The following CNGB3 variants were observed in gnomAD, a reference collection of about 807,000 sequenced individuals.
The protein encoded by CNGB3 is cyclic nucleotide gated channel subunit beta 3.
A neutral mutation model predicts 92.8 loss-of-function variants in CNGB3; 86 were observed. That is an observed-to-expected ratio of 0.93 (90% CI 0.78 to 1.11). CNGB3 has a LOEUF of 1.11. Among genes scored for constraint, CNGB3 ranks in the 50% least tolerant of loss-of-function variants. The pLI is 0.00. For synonymous variants in CNGB3, 333 were observed against 332.7 expected, an observed-to-expected ratio of 1.00 and a Z score of -0.01; for missense variants, 1,026 against 956.8, an observed-to-expected ratio of 1.07 and a Z score of -0.95.
intron 3 of CNGB3, among the ~76,000 whole-genome samples, chr8:86,724,914 G>A (rs1326712777): frequency 1.3e-5 from 2 of 152,044 alleles, no homozygotes; most frequent in Admixed American, 6.6e-5. Context: ...TGTTGGGAGA[G>A]GACAAAGTAA....
intron 3 of CNGB3, among the ~76,000 whole-genome samples, chr8:86,703,000 A>T (rs918875824): frequency 1.3e-5 from 2 of 151,982 alleles, no homozygotes; most frequent in African/African-American, 4.8e-5. Flanking sequence ...TTTACTTTTA[A>T]CTTCATCCAT....
chr8:86,584,163 T>C (rs1355277024), intron 15 of CNGB3, among the ~76,000 whole-genome samples: 2 of 152,190 alleles, frequency 1.3e-5, no homozygotes, highest in African/African-American at 4.8e-5. Flanking sequence ...CTGTCCTCTG[T>C]TGTCACAACC....
chr8:86,726,792 G>T, intron 2 of CNGB3, 135 bp from the exon 3 acceptor site: 1 of 972,262 alleles, frequency 1.0e-6, no homozygotes, highest in Non-Finnish European at 1.6e-6. Flanking sequence ...TGGGACTTCT[G>T]CTAAACAAAG....
intron 3 of CNGB3, among the ~76,000 whole-genome samples, chr8:86,676,378 G>C (rs779982990): frequency 9.9e-5 from 15 of 152,062 alleles, no homozygotes; most frequent in Non-Finnish European, 1.6e-4. Context: ...CTTTAGAAAA[G>C]GGGTGTTCAT....
intron 2 of CNGB3, among the ~76,000 whole-genome samples, chr8:86,728,956 G>GGTGACTCTGT (rs1167962087): frequency 6.6e-6 from 1 of 152,188 alleles, no homozygotes; most frequent in African/African-American, 2.4e-5. Flanking sequence ...TGTCACCCAG[G>GGTGACTCTGT]CTGGAGTGCG....
chr8:86,603,951 A>G, intron 15 of CNGB3, 142 bp downstream of exon 15: 1 of 657,908 alleles, frequency 1.5e-6, no homozygotes, highest in East Asian at 2.8e-5. Context: ...GATGAATAAA[A>G]ATATGAAAAT....
intron 3 of CNGB3, among the ~76,000 whole-genome samples, chr8:86,690,592 G>T (rs1291932678): frequency 2.6e-5 from 4 of 152,146 alleles, no homozygotes; most frequent in Non-Finnish European, 5.9e-5. Flanking sequence ...TTTGGCTTTT[G>T]TTGCCATTGC....
At chr8:86,673,668 T>A (rs1414568270) in intron 3 of CNGB3, among the ~76,000 whole-genome samples, 1 of 152,196 alleles carries the variant, frequency 6.6e-6, no homozygotes, top group African/African-American at 2.4e-5. Flanking sequence ...AGCTTTTGGA[T>A]AATTCAAAGA....
intron 15 of CNGB3, among the ~76,000 whole-genome samples, chr8:86,583,688 G>C (rs1821836048): frequency 6.6e-6 from 1 of 152,030 alleles, no homozygotes; most frequent in Admixed American, 6.6e-5. Context: ...GGGAGGTTGA[G>C]GCAGGCAGAT....
intron 1 of CNGB3, among the ~76,000 whole-genome samples, chr8:86,742,534 G>C (rs1036061911): frequency 6.6e-6 from 1 of 152,100 alleles, no homozygotes; most frequent in Non-Finnish European, 1.5e-5. Context: ...ATTGGACTAT[G>C]CTCCCCTAGT....
At chr8:86,619,356 C>T (rs959855734) in intron 13 of CNGB3, among the ~76,000 whole-genome samples, 1 of 152,100 alleles carries the variant, frequency 6.6e-6, no homozygotes, top group African/African-American at 2.4e-5. Context: ...AGAAATGAAT[C>T]GCTGCTTATT....
At chr8:86,675,509 G>A (rs1823949123) in intron 3 of CNGB3, among the ~76,000 whole-genome samples, 1 of 152,096 alleles carries the variant, frequency 6.6e-6, no homozygotes, top group Non-Finnish European at 1.5e-5. Context: ...ATAAACTCCT[G>A]AGCTCAAGCA....
chr8:86,670,754 A>G (rs1175183065), intron 4 of CNGB3, among the ~76,000 whole-genome samples, 190 bp downstream of exon 4: 1 of 151,804 alleles, frequency 6.6e-6, no homozygotes, highest in Non-Finnish European at 1.5e-5. Flanking sequence ...CCTCTTATTA[A>G]CCCATCTGTA....
Position 86,699,125 on chromosome 8 carries a change from A to T in CNGB3, c.338+27406T>A, listed in dbSNP as rs534536642. On this transcript the variant is annotated intron_variant, in intron 3 of 17. Coordinates refer to ENST00000320005, the MANE Select transcript of CNGB3 (RefSeq NM_019098.5). ...AGAGTACACCTTTATATTTTGAAGG[A>T]TAGTAAAGTTACGCCCACAACTGGA... 3.3e-3 allele frequency among the ~76,000 whole-genome samples: 501 copies of T among 152,294 alleles called. 3 individuals carry two copies. Among genetic ancestry groups the T allele is most frequent in the Non-Finnish European group, 6.1e-3 (417 of 68,026 alleles).
intron 3 of CNGB3, among the ~76,000 whole-genome samples, chr8:86,683,518 T>A (rs1175072746): frequency 1.3e-5 from 2 of 152,200 alleles, no homozygotes; most frequent in Non-Finnish European, 2.9e-5. Context: ...GTACTGGTAG[T>A]CTGACTGTAC....
Position 86,584,132 on chromosome 8 carries a change from T to C in CNGB3, c.1782-4880A>G, listed in dbSNP as rs529346798. Reference sequence around the variant, plus strand: ...AAATAAATTTTACCCCATCTATCTATGTATCTACGTATCATTCTGTCTGTC... The same window carrying C: ...AAATAAATTTTACCCCATCTATCTACGTATCTACGTATCATTCTGTCTGTC... On this transcript the variant is annotated intron_variant, in intron 15 of 17. Coordinates refer to ENST00000320005, the MANE Select transcript of CNGB3 (RefSeq NM_019098.5). Among the ~76,000 whole-genome samples, 6 of 152,324 alleles carry C rather than the reference T, an allele frequency of 3.9e-5. No individual in the cohort carries two copies. The South Asian group carries it at 8.3e-4, about 21-fold the overall frequency.
At chr8:86,620,406 T>A (rs1822701428) in intron 13 of CNGB3, among the ~76,000 whole-genome samples, 1 of 152,152 alleles carries the variant, frequency 6.6e-6, no homozygotes, top group South Asian at 2.1e-4. Context: ...ACCTTCTCAC[T>A]GTGTCGTTAC....
chr8:86,679,216 A>T (rs896629779), intron 3 of CNGB3, among the ~76,000 whole-genome samples: 20 of 152,104 alleles, frequency 1.3e-4, no homozygotes, highest in African/African-American at 4.6e-4. Flanking sequence ...AAGATTTTTT[A>T]GTTAACATTC....
intron 15 of CNGB3, among the ~76,000 whole-genome samples, chr8:86,587,749 T>C (rs1821929826): frequency 6.7e-6 from 1 of 149,672 alleles, no homozygotes; most frequent in African/African-American, 2.4e-5. Flanking sequence ...AGCCTTGTAG[T>C]ATAGTTTGAA....
Sources: gnomAD v4.1 joint callset for allele counts (sites outside exome capture counted in the v4.1 genomes callset) on GRCh38, gnomAD v4.1.1 for gene constraint, MANE v1.5 for transcripts, NCBI Gene and HGNC (gene_info 2026-07-23, HGNC 2026-07-21) for gene names.